Variants in GOLGB1 observed in about 807,000 individuals in gnomAD.
The protein encoded by GOLGB1 is golgin B1, also known as golgin subfamily B member 1.
GOLGB1 carries 174 observed loss-of-function variants against 336.9 expected under a neutral mutation model. That is an observed-to-expected ratio of 0.52 (90% confidence interval 0.46 to 0.59). GOLGB1 has a LOEUF of 0.59. GOLGB1 is among the 20% of genes least tolerant of loss of function. The pLI is 0.00. For synonymous variants in GOLGB1, 1,208 were observed against 1,289.2 expected, an observed-to-expected ratio of 0.94 and a Z score of 1.35; for missense variants, 3,331 against 3,645.3, an observed-to-expected ratio of 0.91 and a Z score of 2.22.
At chr3:121,735,231 T>C (rs79442227) in intron 1 of GOLGB1, among the ~76,000 whole-genome samples, 1 of 152,202 alleles carries the variant, frequency 6.6e-6, no homozygotes, top group Non-Finnish European at 1.5e-5. Flanking sequence ...ACCATATGCA[T>C]TTGTCAAAAC....
intron 1 of GOLGB1, among the ~76,000 whole-genome samples, chr3:121,747,332 T>A (rs1947405262): frequency 7.2e-6 from 1 of 139,830 alleles, no homozygotes. Context: ...TGTATATACG[T>A]ATATATGTAT....
chr3:121,736,484 A>G (rs1946476592), intron 1 of GOLGB1, among the ~76,000 whole-genome samples: 1 of 152,238 alleles, frequency 6.6e-6, no homozygotes, highest in South Asian at 2.1e-4. Context: ...ACACTGGGAA[A>G]ACCTAGATTC....
At chr3:121,706,010 C>T (rs1216239441) in intron 10 of GOLGB1, among the ~76,000 whole-genome samples, 1 of 151,848 alleles carries the variant, frequency 6.6e-6, no homozygotes, top group East Asian at 1.9e-4. Context: ...AAAAAAAGCT[C>T]CAAAATATGT....
rs1942772208 is a variant in GOLGB1 at position 121,694,571 on chromosome 3, T to G, written c.5952A>C (p.Lys1984Asn). 7 of 1,612,564 alleles carry G rather than the reference T, an allele frequency of 4.3e-6. No individual in the cohort carries two copies. In the East Asian group the frequency reaches 1.6e-4, roughly 36 times the overall value. Residue 1984 changes from lysine to asparagine, a missense_variant, in exon 13 of 22, where the codon AAA becomes AAC. Coordinates refer to ENST00000614479, the MANE Select transcript of GOLGB1 (RefSeq NM_001366282.2). ...TTCGTATTTCTGATTCCACCTTAGT[T>G]TTTTCCTTGACTAACTGCTGCTTTT... ...EEEKQQLVKE[K>N]TKVESEIRKE...
Position 121,664,525 on chromosome 3 carries a change from T to C in GOLGB1, c.9750A>G (p.Leu3250=). The change falls in exon 22 of 22, where the codon CTA becomes CTG. Residue 3250 remains leucine, a synonymous_variant. Coordinates refer to ENST00000614479, the MANE Select transcript of GOLGB1 (RefSeq NM_001366282.2). ...ACAGAATGAGCAGGACATGAATCATTAGAAAGTAGATGGCTGCTAGAAGTG... is the reference window on the plus strand; with the variant it reads ...ACAGAATGAGCAGGACATGAATCATCAGAAAGTAGATGGCTGCTAGAAGTG... ...RVPLLAAIYF[L]MIHVLLILCF... 3 of 1,613,696 alleles carry C rather than the reference T, an allele frequency of 1.9e-6. No homozygotes were observed. The highest frequency in any genetic ancestry group is 1.7e-6 in the Non-Finnish European group (2 of 1,179,680).
intron 8 of GOLGB1, 57 bp from the exon 9 acceptor site, chr3:121,717,196 C>G (rs1944852688): frequency 7.2e-7 from 1 of 1,379,678 alleles, no homozygotes; most frequent in African/African-American, 1.5e-5. Flanking sequence ...TTTCAACAAG[C>G]ATTGTAAAGT....
At chr3:121,729,835 C>T (rs1318714233) in intron 3 of GOLGB1, 30 bp downstream of exon 3, 4 of 1,550,770 alleles carry the variant, frequency 2.6e-6, no homozygotes, top group Admixed American at 1.8e-5. Context: ...TTATCAAATG[C>T]TCCACAAGAA....
In GOLGB1 at chr3:121,696,287, G is replaced by A. The variant is rs752287408; in HGVS notation, c.4236C>T (p.Asp1412=). The change falls in exon 13 of 22, where the codon GAC becomes GAT. Residue 1412 remains aspartate (D), a synonymous_variant. Coordinates refer to ENST00000614479, the MANE Select transcript of GOLGB1 (RefSeq NM_001366282.2). The part of the protein sequence containing the change: ...LQKLISKKEE[D]VSYLSGQLSE... Reference sequence around the variant, plus strand: ...TAAGTTGTCCAGAAAGGTAGCTAACGTCTTCTTCCTTTTTGCTTATGAGTT... The same window carrying A: ...TAAGTTGTCCAGAAAGGTAGCTAACATCTTCTTCCTTTTTGCTTATGAGTT... The A allele has an allele frequency of 3.4e-5, 55 of 1,613,846 alleles. No homozygotes were observed. The highest frequency in any genetic ancestry group is 1.1e-4 in the East Asian group (5 of 44,882).
chr3:121,685,461 G>T (rs2107709797), intron 14 of GOLGB1, among the ~76,000 whole-genome samples: 1 of 152,136 alleles, frequency 6.6e-6, no homozygotes, highest in African/African-American at 2.4e-5. Flanking sequence ...CTTGAACCCG[G>T]GAGGTGGAGG....
intron 10 of GOLGB1, among the ~76,000 whole-genome samples, chr3:121,713,760 G>A (rs1218665921): frequency 1.3e-5 from 2 of 151,904 alleles, no homozygotes; most frequent in Admixed American, 1.3e-4. Flanking sequence ...TGCATTTAAA[G>A]GTTTGTAAAT....
At chr3:121,749,844 A>G, upstream of GOLGB1, 2 of 152,462 alleles carry the variant, frequency 1.3e-5, no homozygotes, top group Non-Finnish European at 2.9e-5. Flanking sequence ...TTTGTTACCA[A>G]CCTATCAACA....
At chr3:121,721,737 T>C (rs1945215425) in intron 6 of GOLGB1, among the ~76,000 whole-genome samples, 1 of 151,576 alleles carries the variant, frequency 6.6e-6, no homozygotes, top group African/African-American at 2.4e-5. Context: ...ATGAAAAAAA[T>C]GGGAAGAAGA....
chr3:121,697,236 T>C lies in GOLGB1; in HGVS notation c.3287A>G (p.Gln1096Arg), dbSNP rs1314476775. The C allele has an allele frequency of 1.2e-6, 2 of 1,614,156 alleles. No individual in the cohort carries two copies. The highest frequency in any genetic ancestry group is 1.7e-5 in the Admixed American group (1 of 60,030). The change falls in exon 13 of 22, where the codon CAG (glutamine) becomes CGG (arginine). Residue 1096 changes from glutamine (Q) to arginine (R), a missense_variant. Transcript: ENST00000614479. ...CTGATTCATCTGTTTGACCAGAGCCTGGAATTGCTCTTCAGCTGCCAGCTT... is the reference window on the plus strand; with the variant it reads ...CTGATTCATCTGTTTGACCAGAGCCCGGAATTGCTCTTCAGCTGCCAGCTT... ...EEKLAAEEQF[Q>R]ALVKQMNQTL...
chr3:121,708,174 T>C (rs985829055), intron 10 of GOLGB1, among the ~76,000 whole-genome samples: 1 of 152,208 alleles, frequency 6.6e-6, no homozygotes, highest in African/African-American at 2.4e-5. Flanking sequence ...CAAAAGTGCA[T>C]ATACAACTTA....
chr3:121,678,062 T>C (rs950520064), intron 15 of GOLGB1, among the ~76,000 whole-genome samples: 5 of 152,224 alleles, frequency 3.3e-5, no homozygotes, highest in East Asian at 1.9e-4. Context: ...CAAATTTATA[T>C]TTCTAGAGAG....
intron 20 of GOLGB1, 142 bp from the exon 21 acceptor site, chr3:121,665,173 T>C (rs1470158389): frequency 8.7e-5 from 52 of 600,626 alleles, no homozygotes; most frequent in Non-Finnish European, 2.1e-5. Flanking sequence ...CCCAAACCCA[T>C]GCAAGGGGGG....
rs745759807 is a variant in GOLGB1 at position 121,695,195 on chromosome 3, A to C, written c.5328T>G (p.Ala1776=). ...CATGTTTCTCGGTGGCCTCTAGGTT[A>C]GCTTGTTTAGATACATTACCTTCTA... ...HQIEGNVSKQ[A]NLEATEKHDN... Residue 1776 remains alanine (A), a synonymous_variant, in exon 13 of 22, where the codon GCT becomes GCG. Coordinates refer to ENST00000614479, the MANE Select transcript of GOLGB1 (RefSeq NM_001366282.2). The C allele has an allele frequency of 8.1e-5, 130 of 1,613,040 alleles. No individual in the cohort carries two copies. Among genetic ancestry groups the C allele is most frequent in the Non-Finnish European group, 1.0e-4 (120 of 1,179,748 alleles).
In GOLGB1 at chr3:121,716,820, G is replaced by C. The variant is rs750946890; in HGVS notation, c.1205C>G (p.Ala402Gly). ...TGQELQSACD[A>G]LKDQNSKLLQ... ...AAGCTTTGAATTTTGATCCTTTAGA[G>C]CATCACAGGCAGACTGCAGCTCTTG... The change falls in exon 9 of 22, where the codon GCT becomes GGT. Residue 402 changes from alanine (A) to glycine (G), a missense_variant. Ala to Gly is a moderately conservative substitution (Grantham distance 60). Transcript: ENST00000614479. The C allele has an allele frequency of 1.6e-5, 26 of 1,612,610 alleles. No homozygotes were observed. Among genetic ancestry groups the C allele is most frequent in the Non-Finnish European group, 2.1e-5 (25 of 1,178,712 alleles).
chr3:121,713,091 G>A (rs1048171575), intron 10 of GOLGB1, among the ~76,000 whole-genome samples: 1 of 152,032 alleles, frequency 6.6e-6, no homozygotes, highest in Admixed American at 6.6e-5. Flanking sequence ...GAACCCGGGA[G>A]GTCGAGGTTG....
Sources: allele counts gnomAD v4.1 joint callset (sites outside exome capture counted in the v4.1 genomes callset), GRCh38; gene constraint gnomAD v4.1.1; transcripts MANE v1.5; gene names NCBI Gene and HGNC (gene_info 2026-07-23, HGNC 2026-07-21).